ARHGEF28: variants seen among roughly 807,000 people sequenced by gnomAD.
ARHGEF28 encodes the protein Rho guanine nucleotide exchange factor 28, also known as 190 kDa guanine nucleotide exchange factor.
In ARHGEF28, 152 loss-of-function variants were observed where a neutral mutation model predicts 206.6. The ratio of observed to expected loss-of-function variants is 0.74; its 90% CI spans 0.64 to 0.84. ARHGEF28 has a LOEUF of 0.84. ARHGEF28 is among the 40% of genes least tolerant of loss of function. The pLI, the probability that ARHGEF28 is intolerant of heterozygous loss-of-function variation, is 0.00. For missense variants in ARHGEF28, 2,028 were observed against 2,073.2 expected (o/e 0.98, Z 0.42); for synonymous variants, 763 against 776.4 (o/e 0.98, Z 0.29).
At chr5:73,803,024 C>T (rs922915325) in intron 9 of ARHGEF28, among the ~76,000 whole-genome samples, 33 of 151,816 alleles carry the variant, frequency 2.2e-4, no homozygotes, top group South Asian at 4.2e-4. Flanking sequence ...AGCACAAGTT[C>T]TAACAATTTA....
rs779428785 is a variant in ARHGEF28 at position 73,852,700 on chromosome 5, T to C, written c.1790+8T>C. On this transcript the variant is annotated splice_region_variant and intron_variant, in intron 14 of 35. Transcript: ENST00000513042. ...GCCACCAAGAGAAAACAGGTACTTT[T>C]AACTATTCCAATTTTCCTGAGGAAC... 5.6e-6 allele frequency: 9 copies of C among 1,613,384 alleles called. No homozygotes were observed. In the Admixed American group the frequency reaches 1.2e-4, roughly 21 times the overall value.
intron 2 of ARHGEF28, among the ~76,000 whole-genome samples, chr5:73,707,412 G>T (rs981624981): frequency 3.9e-5 from 6 of 152,164 alleles, no homozygotes; most frequent in African/African-American, 7.2e-5. Flanking sequence ...ATTCATATCT[G>T]CCTCTGTCCA....
intron 11 of ARHGEF28, among the ~76,000 whole-genome samples, chr5:73,845,200 G>A (rs550905661): frequency 1.3e-5 from 2 of 151,908 alleles, no homozygotes; most frequent in South Asian, 4.2e-4. Context: ...TGTATTTTTA[G>A]TAGAGATGTA....
chr5:73,629,868 G>A (rs1743253910), intron 1 of ARHGEF28, among the ~76,000 whole-genome samples: 1 of 152,148 alleles, frequency 6.6e-6, no homozygotes, highest in Admixed American at 6.6e-5. Context: ...AATAACTCGA[G>A]GTCTGATTTC....
chr5:73,703,370 G>A (rs911484972), intron 2 of ARHGEF28, among the ~76,000 whole-genome samples: 10 of 152,120 alleles, frequency 6.6e-5, no homozygotes, highest in Non-Finnish European at 1.3e-4. Flanking sequence ...GTATGAAAAA[G>A]TAGGGTAGAA....
chr5:73,901,598 C>A, intron 31 of ARHGEF28: 1 of 167,548 alleles, frequency 6.0e-6, no homozygotes, highest in Admixed American at 6.2e-5. Context: ...GCTTCTCACC[C>A]ACTATGTCTG....
chr5:73,799,033 C>A (rs1754988410), intron 9 of ARHGEF28, among the ~76,000 whole-genome samples: 1 of 152,154 alleles, frequency 6.6e-6, no homozygotes, highest in Non-Finnish European at 1.5e-5. Flanking sequence ...TTGCAGTGAG[C>A]CAAGATCGCA....
At chr5:73,748,018 TG>T (rs1282483792) in intron 2 of ARHGEF28, among the ~76,000 whole-genome samples, 2 of 152,216 alleles carry the variant, frequency 1.3e-5, no homozygotes, top group Non-Finnish European at 2.9e-5. Context: ...TTATATAATT[TG>T]TTTTTTTATT....
At chr5:73,927,648 A>G (rs552369482) in intron 35 of ARHGEF28, among the ~76,000 whole-genome samples, 21 of 152,158 alleles carry the variant, frequency 1.4e-4, no homozygotes, top group Non-Finnish European at 2.6e-4. Flanking sequence ...CACGAGCCAC[A>G]ACATCTGGCT....
chr5:73,905,042 C>A, intron 33 of ARHGEF28: 1 of 152,458 alleles, frequency 6.6e-6, no homozygotes, highest in Non-Finnish European at 1.5e-5. Flanking sequence ...GCTGGGGTCC[C>A]CAAACCCCAG....
At chr5:73,940,696 A>G (rs1742551090) in intron 35 of ARHGEF28, 148 bp from the exon 36 acceptor site, 1 of 546,462 alleles carries the variant, frequency 1.8e-6, no homozygotes, top group Non-Finnish European at 2.8e-6. Context: ...TTTGACACCT[A>G]TTATGTTCCT....
chr5:73,868,459 A>G (rs1561470395), intron 20 of ARHGEF28, among the ~76,000 whole-genome samples: 1 of 152,216 alleles, frequency 6.6e-6, no homozygotes, highest in African/African-American at 2.4e-5. Context: ...TAGACATATT[A>G]CTAAAAGAAT....
At position 73,924,607 on chromosome 5, in the gene ARHGEF28, G is replaced by T. The variant is rs111641466; in HGVS notation, c.4948+13032G>T. Among the ~76,000 whole-genome samples the T allele has an allele frequency of 2.5e-3, 380 of 152,222 alleles. 1 individual carries two copies. The highest frequency in any genetic ancestry group is 8.7e-3 in the African/African-American group (363 of 41,520). ...GCTGCTTCTAAAGTGGTTGCTCTGG[G>T]GACCAGAGAGACTTGTTATGCCTCA... On this transcript the variant is annotated intron_variant, in intron 35 of 35. Coordinates refer to ENST00000513042, the MANE Select transcript of ARHGEF28 (RefSeq NM_001177693.2).
chr5:73,898,280 T>C (rs1366630067), intron 30 of ARHGEF28, 187 bp downstream of exon 30: 2 of 627,854 alleles, frequency 3.2e-6, no homozygotes, highest in Non-Finnish European at 4.9e-6. Context: ...ATAATGACAC[T>C]GGGGTTTCAA....
chr5:73,906,176 G>T (rs546822737), intron 33 of ARHGEF28, among the ~76,000 whole-genome samples: 1 of 152,270 alleles, frequency 6.6e-6, no homozygotes, highest in African/African-American at 2.4e-5. Flanking sequence ...GTATATGACA[G>T]TGCTCATCTT....
At chr5:73,842,724 A>G (rs966892967) in intron 11 of ARHGEF28, among the ~76,000 whole-genome samples, 2 of 152,180 alleles carry the variant, frequency 1.3e-5, no homozygotes, top group African/African-American at 4.8e-5. Flanking sequence ...CACACCTGCA[A>G]TCCCCGTACT....
chr5:73,718,210 A>G (rs1013618732), intron 2 of ARHGEF28, among the ~76,000 whole-genome samples: 4 of 152,174 alleles, frequency 2.6e-5, no homozygotes, highest in Non-Finnish European at 4.4e-5. Context: ...TAGCAGGATT[A>G]TAGACCTCCC....
chr5:73,780,551 C>T lies in ARHGEF28; in HGVS notation c.841-125C>T, dbSNP rs539303606. 4.2e-5 allele frequency: 41 copies of T among 972,236 alleles called. No homozygotes were observed. The East Asian group carries it at 7.9e-4, about 19-fold the overall frequency. The allele number at this position is 972,236 out of a possible 1,614,324, so 60.2% of individuals were successfully genotyped here. A position where few individuals can be genotyped will look rare whatever the true frequency, so the allele number is the denominator to read the frequency against. On this transcript the variant is annotated intron_variant, in intron 6 of 35. Coordinates refer to ENST00000513042, the MANE Select transcript of ARHGEF28 (RefSeq NM_001177693.2). ...ATGTTCTCCCAGCGGCTTTCACCCA[C>T]CCTCTATTTCCCAACCTCCTAGCTC...
intron 34 of ARHGEF28, among the ~76,000 whole-genome samples, chr5:73,910,593 A>G (rs1762843352): frequency 6.6e-6 from 1 of 152,076 alleles, no homozygotes; most frequent in Admixed American, 6.6e-5. Context: ...ATCTGTCTTA[A>G]GAGTTCTATT....
Sources: allele counts gnomAD v4.1 joint callset (sites outside exome capture counted in the v4.1 genomes callset), GRCh38; gene constraint gnomAD v4.1.1; transcripts MANE v1.5; gene names NCBI Gene and HGNC (gene_info 2026-07-23, HGNC 2026-07-21).